The following NOL4L variants were observed in gnomAD, a reference collection of about 807,000 sequenced individuals.
NOL4L encodes the protein nucleolar protein 4 like, also known as nucleolar protein 4-like.
In NOL4L, 7 loss-of-function variants were observed where a neutral mutation model predicts 64.5. The ratio of observed to expected loss-of-function variants is 0.11; its 90% confidence interval spans 0.06 to 0.20. The LOEUF is 0.20. NOL4L is among the 10% of genes least tolerant of loss of function. The pLI is 1.00. For missense variants in NOL4L, 680 were observed against 967.1 expected (o/e 0.70, Z 3.94); for synonymous variants, 413 against 401.0 (o/e 1.03, Z -0.36).
intron 1 of NOL4L, among the ~76,000 whole-genome samples, chr20:32,551,320 G>A (rs1326925920): frequency 6.6e-6 from 1 of 151,998 alleles, no homozygotes; most frequent in Non-Finnish European, 1.5e-5. Context: ...AGGTTGCAGT[G>A]AGCCAAGATC....
chr20:32,562,454 G>A (rs1979088827), intron 1 of NOL4L, among the ~76,000 whole-genome samples: 1 of 152,156 alleles, frequency 6.6e-6, no homozygotes, highest in Non-Finnish European at 1.5e-5. Context: ...CCCACCTCAG[G>A]TTTAAATGAC....
rs1020784635 is a variant in NOL4L at position 32,553,174 on chromosome 20, C to T, written c.322-25261G>A. Among the ~76,000 whole-genome samples, 12 of 152,276 alleles carry T rather than the reference C, an allele frequency of 7.9e-5. No homozygotes were observed. The South Asian group carries it at 2.5e-3, about 32-fold the overall frequency. On this transcript the variant is annotated intron_variant, in intron 1 of 10. Transcript: ENST00000621426. ...ACAGGCCTAGAATCGGCTCACTTCT[C>T]ACCCCACCATGGGCACCATTCTGGT...
chr20:32,453,730 G>A lies in NOL4L; in HGVS notation c.1151C>T (p.Ser384Phe). ...SPPYSSGSYD[S>F]IKTEVSGCPE... is the part of the protein sequence containing the mutation. ...GCAGCCGCTGACCTCGGTCTTGATG[G>A]AATCGTAGCTCCCAGAGCTGTAGGG... Residue 384 changes from serine to phenylalanine, a missense_variant, in exon 7 of 11, where the codon TCC becomes TTC. Transcript: ENST00000621426. This position sits in a 1 kb window ranked among gnomAD's most constrained non-coding sequence, Gnocchi z 5.6. The A allele has an allele frequency of 6.4e-7, 1 of 1,555,618 alleles. No individual in the cohort carries two copies.
At chr20:32,582,819 G>T (rs928934134) in intron 1 of NOL4L, among the ~76,000 whole-genome samples, 1 of 152,196 alleles carries the variant, frequency 6.6e-6, no homozygotes, top group East Asian at 1.9e-4. Context: ...CCGGCGGGGG[G>T]CAGTGACCCA....
chr20:32,456,113 C>A lies in NOL4L; in HGVS notation c.1119+5G>T. The A allele has an allele frequency of 6.7e-7, 1 of 1,499,190 alleles. No homozygotes were observed. The highest frequency in any genetic ancestry group is 1.4e-5 in the South Asian group (1 of 73,608). The allele number at this position is 1,499,190 out of a possible 1,614,324, so 92.9% of individuals were successfully genotyped here. A position where few individuals can be genotyped will look rare whatever the true frequency, so the allele number is the denominator to read the frequency against. The stretch of plus-strand genomic sequence containing the variant: ...GAAATGGACTCAGCCCCCAGCCCCA[C>A]ACACCTCGGGGGTGGTCTTCACCCC... On this transcript the variant is annotated splice_donor_5th_base_variant and intron_variant, in intron 6 of 10. Coordinates refer to ENST00000621426, the MANE Select transcript of NOL4L (RefSeq NM_001256798.2).
chr20:32,474,532 C>T (rs2015251467), intron 5 of NOL4L, 69 bp downstream of exon 5: 2 of 1,540,794 alleles, frequency 1.3e-6, no homozygotes, highest in Non-Finnish European at 1.7e-6. Context: ...CCACACCTCT[C>T]ACCTGAGGAC....
rs1308093756 is a variant in NOL4L at position 32,443,978 on chromosome 20, GT to G, written c.*3617del. 1.3e-5 allele frequency: 2 copies of G among 152,306 alleles called. No homozygotes were observed. The highest frequency in any genetic ancestry group is 1.3e-4 in the Admixed American group (2 of 15,304). 9.4% of individuals were successfully genotyped at this position (152,306 alleles called of 1,614,324 possible). On this transcript the variant is annotated 3_prime_UTR_variant, in exon 11 of 11. Transcript: ENST00000621426. The stretch of plus-strand genomic sequence containing the variant: ...CCAATCTGAGTTCTACGTGGTATAG[GT>G]TTTTTGTTGTATTTTTAGGTGGAAA...
intron 10 of NOL4L, among the ~76,000 whole-genome samples, chr20:32,451,968 G>A (rs1334662479): frequency 6.6e-6 from 1 of 152,234 alleles, no homozygotes; most frequent in Non-Finnish European, 1.5e-5. Context: ...GGTGGGAAGT[G>A]TTGGAGCAAG....
chr20:32,548,783 C>A, intron 1 of NOL4L: 1 of 436,658 alleles, frequency 2.3e-6, no homozygotes, highest in Non-Finnish European at 4.6e-6. Context: ...GGGATGTTCA[C>A]TGAAGTCTTG....
intron 4 of NOL4L, among the ~76,000 whole-genome samples, chr20:32,489,039 A>G (rs2016343916): frequency 7.6e-6 from 1 of 131,640 alleles, no homozygotes; most frequent in South Asian, 2.3e-4. Context: ...TATTTTGCAA[A>G]TATGTTTTCC....
chr20:32,584,871 A>C lies in NOL4L; in HGVS notation c.20T>G (p.Leu7Arg). The change falls in exon 1 of 11, where the codon CTG (leucine) becomes CGG (arginine). Residue 7 changes from leucine to arginine, a missense_variant. Physicochemically the swap from Leu to Arg is moderately radical, Grantham distance 102. Around this residue, in one of 4 missense-constraint regions of NOL4L, gnomAD observed 181 missense variants for 335.2 expected, o/e 0.54. Coordinates refer to ENST00000621426, the MANE Select transcript of NOL4L (RefSeq NM_001256798.2). MPKPTL[L>R]LRGGWERERS... ...CTCGCGCTCCCAGCCCCCGCGCAGC[A>C]GCAGCGTCGGCTTCGGCATCCTCCC... 2 of 1,347,024 alleles carry C rather than the reference A, an allele frequency of 1.5e-6. No individual in the cohort carries two copies. The highest frequency in any genetic ancestry group is 1.8e-5 in the South Asian group (1 of 55,210). The allele number at this position is 1,347,024 out of a possible 1,614,324, so 83.4% of individuals were successfully genotyped here.
chr20:32,516,656 A>C (rs1433600234), intron 3 of NOL4L, among the ~76,000 whole-genome samples: 1 of 152,198 alleles, frequency 6.6e-6, no homozygotes, highest in South Asian at 2.1e-4. Flanking sequence ...CCCTGACTTT[A>C]CAGATGAGGC....
intron 10 of NOL4L, 146 bp downstream of exon 10, chr20:32,452,090 C>T (rs934680671): frequency 1.4e-5 from 8 of 572,304 alleles, no homozygotes; most frequent in Middle Eastern, 5.1e-4. Flanking sequence ...GTGCCAGAGC[C>T]GCCCCTCCTG....
chr20:32,570,166 C>T (rs1341871452), intron 1 of NOL4L, among the ~76,000 whole-genome samples: 1 of 152,134 alleles, frequency 6.6e-6, no homozygotes, highest in Non-Finnish European at 1.5e-5. Flanking sequence ...CTAGGCAGCA[C>T]AGCCAGGATT....
intron 5 of NOL4L, among the ~76,000 whole-genome samples, chr20:32,459,741 C>T (rs1418431918): frequency 1.3e-5 from 2 of 152,142 alleles, no homozygotes; most frequent in Non-Finnish European, 2.9e-5. Context: ...CTATATTGCC[C>T]AGGCTGGTCT....
intron 4 of NOL4L, among the ~76,000 whole-genome samples, chr20:32,509,231 G>C (rs1486655434): frequency 6.6e-6 from 1 of 152,092 alleles, no homozygotes; most frequent in Non-Finnish European, 1.5e-5. Context: ...GTCTCCCCTA[G>C]ATCAGAAGAA....
At position 32,446,862 on chromosome 20, in the gene NOL4L, T is replaced by C. The variant is rs1437099690; in HGVS notation, c.*734A>G. On this transcript the variant is annotated 3_prime_UTR_variant, in exon 11 of 11. Transcript: ENST00000621426. ...GAATGGGGTCGGGGTGCCTCTTTTG[T>C]TTTGCTTTGCCATGGGTGTGGGTGA... The C allele has an allele frequency of 1.3e-5, 3 of 226,492 alleles. No homozygotes were observed. The highest frequency in any genetic ancestry group is 7.1e-5 in the African/African-American group (3 of 42,044). The allele number at this position is 226,492 out of a possible 1,614,324, so 14.0% of individuals were successfully genotyped here.
At chr20:32,476,480 CA>C (rs1024196867) in intron 4 of NOL4L, among the ~76,000 whole-genome samples, 1 of 152,218 alleles carries the variant, frequency 6.6e-6, no homozygotes. Context: ...CCTGGATGCC[CA>C]GGGGGTGCCA....
At position 32,452,331 on chromosome 20, in the gene NOL4L, G is replaced by A. The variant is rs753717012; in HGVS notation, c.1727C>T (p.Ala576Val). 1 of 1,610,484 alleles carries A rather than the reference G, an allele frequency of 6.2e-7. No individual in the cohort carries two copies. Among genetic ancestry groups the A allele is most frequent in the Non-Finnish European group, 8.5e-7 (1 of 1,177,898 alleles). Residue 576 changes from alanine to valine, a missense_variant, in exon 10 of 11, where the codon GCC (alanine) becomes GTC (valine). Ala to Val is a moderately conservative substitution (Grantham distance 64). Transcript: ENST00000621426. ...ASSYSQDPVY[A>V]NGGLNYSYRG... ...GTAACTGTAGTTGAGGCCGCCGTTG[G>A]CGTACACAGGGTCCTGGGAGTAGGA...
Sources: gnomAD v4.1 joint callset for allele counts (sites outside exome capture counted in the v4.1 genomes callset) on GRCh38, gnomAD v4.1.1 for gene constraint, gnomAD v4.1.1 regional missense constraint, Gnocchi (gnomAD v3.1) non-coding constraint, MANE v1.5 for transcripts, NCBI Gene and HGNC (gene_info 2026-07-23, HGNC 2026-07-21) for gene names.